Variants in RALGPS2 observed in about 807,000 individuals in gnomAD.
RALGPS2 encodes Ral GEF with PH domain and SH3 binding motif 2.
A neutral mutation model predicts 86.8 loss-of-function variants in RALGPS2; 43 were observed. The ratio of observed to expected loss-of-function variants is 0.50; its 90% CI spans 0.39 to 0.64. The LOEUF (loss-of-function observed/expected upper bound fraction) is 0.64. Ranked by LOEUF, RALGPS2 falls within the 30% of genes least tolerant of loss-of-function variation. RALGPS2 has a pLI of 0.00. For missense variants in RALGPS2, 536 were observed against 694.6 expected, an observed-to-expected ratio of 0.77 and a Z score of 2.57; for synonymous variants, 243 against 231.3, an observed-to-expected ratio of 1.05 and a Z score of -0.46.
intron 4 of RALGPS2, among the ~76,000 whole-genome samples, chr1:178,805,306 G>T (rs12072893): frequency 0.016 from 2,321 of 148,490 alleles, 32 homozygotes; most frequent in African/African-American, 0.055. Context: ...GTCAATTTTG[G>T]CTTTTGTTGC....
chr1:178,786,299 T>C (rs1253842535), intron 4 of RALGPS2, among the ~76,000 whole-genome samples: 1 of 152,124 alleles, frequency 6.6e-6, no homozygotes, highest in Non-Finnish European at 1.5e-5. Context: ...ATTTACCTAT[T>C]GCTTTGAAGC....
At chr1:178,882,141 A>C (rs1244599997) in intron 10 of RALGPS2, among the ~76,000 whole-genome samples, 1 of 152,214 alleles carries the variant, frequency 6.6e-6, no homozygotes, top group Non-Finnish European at 1.5e-5. Context: ...CTGCTTTTTA[A>C]AGATGCCTCT....
intron 8 of RALGPS2, chr1:178,852,856 TC>T: frequency 6.2e-7 from 1 of 1,613,942 alleles, no homozygotes; most frequent in South Asian, 1.1e-5. Flanking sequence ...ACTCCAGTCT[TC>T]TAATTCAATC....
Position 178,916,696 on chromosome 1 carries a change from C to G in RALGPS2, c.*337C>G, listed in dbSNP as rs189571034. ...TGGCGGTGCTGTGCTTGGAATAGAT[C>G]GTAGCTAATTTGCATTTCTTTTAAC... On this transcript the variant is annotated 3_prime_UTR_variant, in exon 20 of 20. Transcript: ENST00000367635. The G allele has an allele frequency of 7.5e-6, 2 of 267,498 alleles. No individual in the cohort carries two copies. The allele number at this position is 267,498 out of a possible 1,614,324, so 16.6% of individuals were successfully genotyped here.
chr1:178,751,657 C>T (rs190748681), intron 1 of RALGPS2, among the ~76,000 whole-genome samples: 6 of 152,212 alleles, frequency 3.9e-5, no homozygotes, highest in Admixed American at 3.9e-4. Context: ...ACAGGAAATT[C>T]CCTTCTTCTG....
intron 1 of RALGPS2, 75 bp from the exon 2 acceptor site, chr1:178,776,607 G>T: frequency 2.1e-6 from 1 of 486,818 alleles, no homozygotes; most frequent in Non-Finnish European, 3.6e-6. Flanking sequence ...TTGTTTCTTG[G>T]CATGGTGGTA....
intron 19 of RALGPS2, 62 bp from the exon 20 acceptor site, chr1:178,916,268 A>T: frequency 7.4e-7 from 1 of 1,359,016 alleles, no homozygotes; most frequent in Admixed American, 1.9e-5. Context: ...ACAAGGAAAG[A>T]TAAGAAATAC....
chr1:178,796,692 C>T (rs1222334452), intron 4 of RALGPS2, among the ~76,000 whole-genome samples: 1 of 152,036 alleles, frequency 6.6e-6, no homozygotes, highest in Middle Eastern at 3.2e-3. Context: ...AAATTTAGAT[C>T]AAGAATTTCT....
intron 8 of RALGPS2, among the ~76,000 whole-genome samples, chr1:178,876,306 A>G (rs1194172301): frequency 6.6e-6 from 1 of 152,244 alleles, no homozygotes; most frequent in Admixed American, 6.5e-5. Flanking sequence ...TTAATAGAAT[A>G]TAAGTAATTT....
chr1:178,781,535 A>G (rs561971996), intron 2 of RALGPS2, among the ~76,000 whole-genome samples: 2 of 152,252 alleles, frequency 1.3e-5, no homozygotes, highest in African/African-American at 4.8e-5. Context: ...ATCATTACCA[A>G]TTTATTACTG....
intron 7 of RALGPS2, among the ~76,000 whole-genome samples, chr1:178,824,172 T>G (rs1655639103): frequency 6.6e-6 from 1 of 151,736 alleles, no homozygotes; most frequent in African/African-American, 2.4e-5. Context: ...TCGGGAAGAG[T>G]GATTTCAGTA....
chr1:178,861,449 G>GT (rs1444826393), intron 8 of RALGPS2, among the ~76,000 whole-genome samples: 2 of 150,598 alleles, frequency 1.3e-5, no homozygotes, highest in Non-Finnish European at 3.0e-5. Context: ...AGCATTCGTG[G>GT]GTTTTTTTTT....
At chr1:178,788,083 A>T (rs1370498547) in intron 4 of RALGPS2, among the ~76,000 whole-genome samples, 1 of 152,160 alleles carries the variant, frequency 6.6e-6, no homozygotes, top group Non-Finnish European at 1.5e-5. Flanking sequence ...TCTAAGATAT[A>T]CTAGCCTTCC....
Position 178,869,627 on chromosome 1 carries a change from A to G in RALGPS2, c.608-7871A>G, listed in dbSNP as rs144601455. On this transcript the variant is annotated intron_variant, in intron 8 of 19. Coordinates refer to ENST00000367635, the MANE Select transcript of RALGPS2 (RefSeq NM_152663.5). ...ATTTTGTTAGAATTTCTTGTAAAATATGTGTTTAACAGAAATCCTGCCAGC... is the reference window on the plus strand; with the variant it reads ...ATTTTGTTAGAATTTCTTGTAAAATGTGTGTTTAACAGAAATCCTGCCAGC... Among the ~76,000 whole-genome samples, 41 of 152,220 alleles carry G rather than the reference A, an allele frequency of 2.7e-4. 1 individual carries two copies. The East Asian group carries it at 3.5e-3, about 13-fold the overall frequency.
At chr1:178,907,100 A>G (rs552138068) in intron 19 of RALGPS2, among the ~76,000 whole-genome samples, 1 of 152,364 alleles carries the variant, frequency 6.6e-6, no homozygotes, top group Non-Finnish European at 1.5e-5. Context: ...AAAGAAAACA[A>G]TAGACGTATG....
chr1:178,770,312 C>A (rs1652729882), intron 1 of RALGPS2, among the ~76,000 whole-genome samples: 1 of 152,034 alleles, frequency 6.6e-6, no homozygotes, highest in African/African-American at 2.4e-5. Context: ...GCTTGAGCCA[C>A]CATGCCCAGC....
At chr1:178,747,461 G>T (rs1440424561) in intron 1 of RALGPS2, 3 of 1,597,730 alleles carry the variant, frequency 1.9e-6, no homozygotes, top group East Asian at 2.2e-5. Flanking sequence ...TTGGTCATCT[G>T]TTGGCCAGTA....
At position 178,878,882 on chromosome 1, in the gene RALGPS2, A is replaced by T. The variant is rs539066195; in HGVS notation, c.746-20A>T. The T allele has an allele frequency of 2.5e-5, 40 of 1,610,432 alleles. No homozygotes were observed. In the South Asian group the frequency reaches 4.1e-4, roughly 17 times the overall value. On this transcript the variant is annotated intron_variant, in intron 9 of 19. Coordinates refer to ENST00000367635, the MANE Select transcript of RALGPS2 (RefSeq NM_152663.5). The stretch of plus-strand genomic sequence containing the variant: ...TTAAGATGTACTTTATCAGATAATT[A>T]TTTATCACCTTTTGCCTAGATATTC...
intron 8 of RALGPS2, among the ~76,000 whole-genome samples, chr1:178,876,889 A>G (rs1485000733): frequency 6.6e-6 from 1 of 152,204 alleles, no homozygotes; most frequent in Non-Finnish European, 1.5e-5. Flanking sequence ...GAACCATTTC[A>G]GAAATTTATT....
Sources: gnomAD v4.1 joint callset for allele counts (sites outside exome capture counted in the v4.1 genomes callset) on GRCh38, gnomAD v4.1.1 for gene constraint, MANE v1.5 for transcripts, NCBI Gene and HGNC (gene_info 2026-07-23, HGNC 2026-07-21) for gene names.